NTM: variants seen among roughly 807,000 people sequenced by gnomAD.
NTM encodes the protein neurotrimin.
In NTM, 13 loss-of-function variants were observed where a neutral mutation model predicts 42.1. The observed-to-expected ratio is 0.31, with a 90% CI of 0.20 to 0.49. NTM has a LOEUF of 0.49. Ranked by LOEUF, NTM falls within the 20% of genes least tolerant of loss-of-function variation. The probability of loss-of-function intolerance (pLI) is 0.99; values close to 1 mark genes in which losing one functional copy is unlikely to be tolerated. For missense variants in NTM, 373 were observed against 452.8 expected (o/e 0.82, Z 1.60); for synonymous variants, 187 against 179.2 (o/e 1.04, Z -0.35).
At chr11:131,516,786 A>G (rs2048947217) in intron 1 of NTM, among the ~76,000 whole-genome samples, 1 of 152,216 alleles carries the variant, frequency 6.6e-6, no homozygotes, top group Admixed American at 6.5e-5. Context: ...GTGACTGCTC[A>G]GAGAGAAGGT....
chr11:131,392,736 T>C (rs868705081), intron 1 of NTM, among the ~76,000 whole-genome samples: 1 of 152,166 alleles, frequency 6.6e-6, no homozygotes, highest in South Asian at 2.1e-4. Context: ...AGTGGCAGAA[T>C]CTACATGCAC....
chr11:131,891,417 T>C lies in NTM; in HGVS notation c.83-20147T>C, dbSNP rs575727889. Among the ~76,000 whole-genome samples the C allele has an allele frequency of 4.1e-4, 62 of 152,262 alleles. 1 individual carries two copies. Among genetic ancestry groups the C allele is most frequent in the African/African-American group, 1.4e-3 (58 of 41,554 alleles). ...AAGTTGGGGAAAGCACTTGGGAAGATGCTGTCCAGAAGTATGGGGAATCTA... is the reference window on the plus strand; with the variant it reads ...AAGTTGGGGAAAGCACTTGGGAAGACGCTGTCCAGAAGTATGGGGAATCTA... On this transcript the variant is annotated intron_variant, in intron 1 of 8. Transcript: ENST00000683400.
At chr11:132,055,466 G>A (rs1013190115) in intron 2 of NTM, among the ~76,000 whole-genome samples, 1 of 152,156 alleles carries the variant, frequency 6.6e-6, no homozygotes, top group Non-Finnish European at 1.5e-5. Context: ...ATAGAAACAT[G>A]TTTATTAGAG....
intron 1 of NTM, among the ~76,000 whole-genome samples, chr11:131,813,032 C>T (rs985021046): frequency 3.3e-5 from 5 of 152,124 alleles, no homozygotes; most frequent in Non-Finnish European, 7.4e-5. Context: ...TATGGCTTTG[C>T]CTTTAGTGAG....
At chr11:132,057,642 C>T (rs779865363) in intron 2 of NTM, among the ~76,000 whole-genome samples, 7 of 152,184 alleles carry the variant, frequency 4.6e-5, no homozygotes, top group Non-Finnish European at 8.8e-5. Context: ...CCTGTCTTCT[C>T]CTTCATGGTC....
chr11:132,044,431 A>C (rs1025588939), intron 2 of NTM, among the ~76,000 whole-genome samples: 42 of 152,212 alleles, frequency 2.8e-4, no homozygotes, highest in Non-Finnish European at 8.8e-5. Flanking sequence ...ATCTGAGGCC[A>C]AAAAGAAAAA....
At position 132,168,895 on chromosome 11, in the gene NTM, G is replaced by A. The variant is rs534998223; in HGVS notation, c.400+22381G>A. On this transcript the variant is annotated intron_variant, in intron 3 of 8. Coordinates refer to ENST00000683400, the MANE Select transcript of NTM (RefSeq NM_001352005.2). ...TCAAGCAGATCTTCACTTTACACAT[G>A]TCTTAGACACAGAGGCTTATGCTCC... Among the ~76,000 whole-genome samples the A allele has an allele frequency of 1.9e-4, 29 of 152,276 alleles. No individual in the cohort carries two copies. The South Asian group carries it at 5.6e-3, about 29-fold the overall frequency.
intron 1 of NTM, among the ~76,000 whole-genome samples, chr11:131,513,550 C>T (rs530560974): frequency 6.6e-6 from 1 of 152,202 alleles, no homozygotes; most frequent in Non-Finnish European, 1.5e-5. Context: ...GGACTGAGAG[C>T]GGCTTCCTTC....
At chr11:131,417,847 G>A (rs1354368370) in intron 1 of NTM, among the ~76,000 whole-genome samples, 1 of 152,198 alleles carries the variant, frequency 6.6e-6, no homozygotes, top group Non-Finnish European at 1.5e-5. Context: ...CTGCTAGAAA[G>A]TTGTATTTTA....
chr11:132,135,829 T>C (rs1167664678), intron 2 of NTM, among the ~76,000 whole-genome samples: 1 of 152,118 alleles, frequency 6.6e-6, no homozygotes, highest in Non-Finnish European at 1.5e-5. Flanking sequence ...GGGCAGTGGC[T>C]GTGCAAATGA....
At chr11:132,155,375 A>G (rs1165955041) in intron 3 of NTM, among the ~76,000 whole-genome samples, 1 of 152,194 alleles carries the variant, frequency 6.6e-6, no homozygotes. Context: ...ACAGCCCTAA[A>G]GACTTCCAGG....
intron 1 of NTM, among the ~76,000 whole-genome samples, chr11:131,766,381 T>A (rs2085100310): frequency 1.3e-5 from 2 of 152,124 alleles, no homozygotes; most frequent in African/African-American, 4.8e-5. Context: ...AGGACTAGGC[T>A]GTAGTCAGCC....
At chr11:132,027,083 A>G (rs963431115) in intron 2 of NTM, among the ~76,000 whole-genome samples, 16 of 152,220 alleles carry the variant, frequency 1.1e-4, no homozygotes, top group Admixed American at 6.5e-5. Flanking sequence ...ACAAGGCTTG[A>G]AAAACAAACA....
At chr11:131,879,973 C>T (rs2049205481) in intron 1 of NTM, among the ~76,000 whole-genome samples, 1 of 152,132 alleles carries the variant, frequency 6.6e-6, no homozygotes, top group South Asian at 2.1e-4. Flanking sequence ...TTTGCTTTTA[C>T]CACCTTCAAG....
chr11:132,199,111 G>A (rs985133426), intron 3 of NTM, among the ~76,000 whole-genome samples: 4 of 152,128 alleles, frequency 2.6e-5, no homozygotes, highest in African/African-American at 7.2e-5. Context: ...AATGGGAGAG[G>A]GCCTTGAATG....
chr11:132,176,988 C>T (rs979314452), intron 3 of NTM, among the ~76,000 whole-genome samples: 9 of 152,102 alleles, frequency 5.9e-5, no homozygotes, highest in Admixed American at 6.5e-5. Context: ...CTTGGCCTCC[C>T]AAAGTGCCAA....
intron 1 of NTM, among the ~76,000 whole-genome samples, chr11:131,839,301 C>T (rs2043929179): frequency 6.6e-6 from 1 of 152,260 alleles, no homozygotes; most frequent in South Asian, 2.1e-4. Context: ...AAAAATATAA[C>T]AGAAATGGAT....
At chr11:131,798,642 A>G (rs546659999) in intron 1 of NTM, among the ~76,000 whole-genome samples, 1 of 152,342 alleles carries the variant, frequency 6.6e-6, no homozygotes, top group African/African-American at 2.4e-5. Flanking sequence ...TTTAAGACCT[A>G]TTGATTTGTA....
At chr11:132,048,811 CTTTTTTCTTT>C (rs1300386239) in intron 2 of NTM, among the ~76,000 whole-genome samples, 5 of 99,390 alleles carry the variant, frequency 5.0e-5, no homozygotes, top group African/African-American at 2.4e-4. Flanking sequence ...TTTTTCTTTT[CTTTTTTCTTT>C]TTTTTTTTTT....
Sources: allele counts gnomAD v4.1 joint callset (sites outside exome capture counted in the v4.1 genomes callset), GRCh38; gene constraint gnomAD v4.1.1; transcripts MANE v1.5; gene names NCBI Gene and HGNC (gene_info 2026-07-23, HGNC 2026-07-21).